The following RAB27A variants were observed in gnomAD, a reference collection of about 807,000 sequenced individuals.
RAB27A encodes the protein RAB27A, member RAS oncogene family, also known as ras-related protein Rab-27A.
In RAB27A, 17 loss-of-function variants were observed where a neutral mutation model predicts 20.8. The observed-to-expected ratio is 0.82, with a 90% CI of 0.56 to 1.23. The LOEUF (loss-of-function observed/expected upper bound fraction) is 1.23, where lower values mean the gene tolerates loss of function less well. Among genes scored for constraint, RAB27A ranks in the 50% most tolerant of loss-of-function variants. The pLI, the probability that RAB27A is intolerant of heterozygous loss-of-function variation, is 0.00. For missense variants in RAB27A, 277 were observed against 266.7 expected (o/e 1.04, Z -0.27); for synonymous variants, 85 against 92.8 (o/e 0.92, Z 0.48).
At chr15:55,279,788 A>G (rs990179396) in intron 1 of RAB27A, among the ~76,000 whole-genome samples, 5 of 152,226 alleles carry the variant, frequency 3.3e-5, no homozygotes, top group African/African-American at 4.8e-5. Flanking sequence ...TTTTGAATAA[A>G]TATCACCAAG....
intron 6 of RAB27A, among the ~76,000 whole-genome samples, chr15:55,210,570 T>C (rs1289445454): frequency 1.3e-5 from 2 of 152,154 alleles, no homozygotes; most frequent in African/African-American, 2.4e-5. Context: ...TTGCAGATCT[T>C]TTGAGAAATG....
At chr15:55,217,663 CAAAAAAAAAAAAAAAAAAAA>C (rs199813098) in intron 6 of RAB27A, among the ~76,000 whole-genome samples, 2 of 43,542 alleles carry the variant, frequency 4.6e-5, no homozygotes, top group African/African-American at 1.8e-4. Flanking sequence ...CACTCCATCT[CAAAAAAAAAAAAAAAAAAAA>C]AAAAAAAAAA....
chr15:55,313,317 T>G (rs1206975766), intron 2 of RAB27A, among the ~76,000 whole-genome samples: 1 of 152,070 alleles, frequency 6.6e-6, no homozygotes, highest in Non-Finnish European at 1.5e-5. Context: ...ACGAGCGGAA[T>G]CACGTGAGCC....
At chr15:55,232,556 A>G (rs937887569) in intron 3 of RAB27A, among the ~76,000 whole-genome samples, 1 of 152,200 alleles carries the variant, frequency 6.6e-6, no homozygotes, top group African/African-American at 2.4e-5. Flanking sequence ...GGAATTATAA[A>G]TATATTCAAA....
chr15:55,235,390 G>C (rs1338327907), intron 2 of RAB27A, among the ~76,000 whole-genome samples: 1 of 152,104 alleles, frequency 6.6e-6, no homozygotes, highest in African/African-American at 2.4e-5. Flanking sequence ...GGAGGTTGCA[G>C]TGAGCCAAGA....
rs1896766955 is a variant in RAB27A, at chr15:55,248,378, G to A, written c.-22-13422C>T. 2.6e-5 allele frequency among the ~76,000 whole-genome samples: 4 copies of A among 152,090 alleles called. No individual in the cohort carries two copies. The South Asian group carries it at 8.3e-4, about 32-fold the overall frequency. The stretch of plus-strand genomic sequence containing the variant: ...TATTGCCAAACTCCGGTTTGCATGT[G>A]CAAAAAGTGACATGAAACTAACAAT... On this transcript the variant is annotated intron_variant, in intron 2 of 6. Coordinates refer to ENST00000336787, the MANE Select transcript of RAB27A (RefSeq NM_183235.3).
chr15:55,271,572 G>A (rs1897706546), intron 1 of RAB27A, among the ~76,000 whole-genome samples: 1 of 152,208 alleles, frequency 6.6e-6, no homozygotes, highest in South Asian at 2.1e-4. Flanking sequence ...CACCTTCCCT[G>A]TGCTTACTGT....
chr15:55,208,257 A>C (rs7165491), intron 6 of RAB27A, among the ~76,000 whole-genome samples: 47,184 of 152,118 alleles, frequency 0.31, 10,659 homozygotes, highest in African/African-American at 0.64. Context: ...GTGTGAAGAC[A>C]ACAATTACAC....
At chr15:55,255,762 T>C (rs142416328) in intron 2 of RAB27A, among the ~76,000 whole-genome samples, 203 of 152,100 alleles carry the variant, frequency 1.3e-3, no homozygotes, top group African/African-American at 4.8e-3. Context: ...CTTCAAGAAG[T>C]TGGTAATTAG....
chr15:55,260,132 T>G (rs1299593787), intron 2 of RAB27A: 2 of 152,240 alleles, frequency 1.3e-5, no homozygotes, highest in African/African-American at 2.4e-5. Context: ...TTTAAAAATA[T>G]TCTCAAATCT....
intron 1 of RAB27A, among the ~76,000 whole-genome samples, chr15:55,288,686 C>A (rs1477313885): frequency 3.3e-5 from 5 of 152,016 alleles, no homozygotes; most frequent in Middle Eastern, 3.4e-3. Flanking sequence ...ACAACATAAA[C>A]CAACATAAAA....
chr15:55,269,911 CTA>C (rs1447016300), intron 2 of RAB27A: 1 of 152,008 alleles, frequency 6.6e-6, no homozygotes, highest in African/African-American at 2.4e-5. Flanking sequence ...AAGTAAAAAC[CTA>C]TGTTTCTTTA....
intron 6 of RAB27A, 118 bp downstream of exon 6, chr15:55,223,771 C>T: frequency 1.6e-6 from 2 of 1,252,652 alleles, no homozygotes. Flanking sequence ...CAACATGCCC[C>T]AAGGCCTATG....
chr15:55,292,141 T>C (rs1443388954), upstream of RAB27A, among the ~76,000 whole-genome samples: 1 of 152,168 alleles, frequency 6.6e-6, no homozygotes, highest in Non-Finnish European at 1.5e-5. Context: ...ACAGAGGCTG[T>C]GCGGTGAATA....
chr15:55,261,592 TTAGC>T (rs1354832247), intron 2 of RAB27A, among the ~76,000 whole-genome samples: 8 of 140,962 alleles, frequency 5.7e-5, no homozygotes, highest in Non-Finnish European at 1.2e-4. Context: ...AAAAAAAAAG[TTAGC>T]TAGGCTTGGG....
chr15:55,271,872 G>A (rs1052788199), intron 1 of RAB27A, among the ~76,000 whole-genome samples: 3 of 152,130 alleles, frequency 2.0e-5, no homozygotes, highest in African/African-American at 7.2e-5. Context: ...AGAACTGTGG[G>A]CAACTAAGAA....
intron 2 of RAB27A, among the ~76,000 whole-genome samples, chr15:55,261,294 G>A (rs941221520): frequency 2.0e-5 from 3 of 151,894 alleles, no homozygotes; most frequent in Non-Finnish European, 2.9e-5. Flanking sequence ...CTACTCAGGA[G>A]GCTGAGGTGG....
chr15:55,277,969 A>G (rs1897918575), intron 1 of RAB27A, among the ~76,000 whole-genome samples: 1 of 152,230 alleles, frequency 6.6e-6, no homozygotes, highest in Non-Finnish European at 1.5e-5. Context: ...ATCTGCTTTG[A>G]AAGATTGTTG....
intron 2 of RAB27A, among the ~76,000 whole-genome samples, chr15:55,250,876 T>G (rs1360714926): frequency 6.6e-6 from 1 of 152,182 alleles, no homozygotes. Flanking sequence ...GCAATAAAAC[T>G]GTTTCTTCAA....
Sources: allele counts gnomAD v4.1 joint callset (sites outside exome capture counted in the v4.1 genomes callset), GRCh38; gene constraint gnomAD v4.1.1; transcripts MANE v1.5; gene names NCBI Gene and HGNC (gene_info 2026-07-23, HGNC 2026-07-21).